The following FOXP1 variants were observed in gnomAD, a reference collection of about 807,000 sequenced individuals.
FOXP1 encodes forkhead box protein P1.
In FOXP1, 15 loss-of-function variants were observed where a neutral mutation model predicts 98.2. The observed-to-expected ratio is 0.15, with a 90% CI of 0.10 to 0.24. The LOEUF is 0.24. Ranked by LOEUF, FOXP1 falls within the 10% of genes least tolerant of loss-of-function variation. FOXP1 has a pLI of 1.00. For missense variants in FOXP1, 633 were observed against 848.5 expected, an observed-to-expected ratio of 0.75 and a Z score of 3.15; for synonymous variants, 371 against 314.5, an observed-to-expected ratio of 1.18 and a Z score of -1.90.
At chr3:71,225,388 C>T (rs2065752228) in intron 5 of FOXP1, among the ~76,000 whole-genome samples, 1 of 152,176 alleles carries the variant, frequency 6.6e-6, no homozygotes, top group Non-Finnish European at 1.5e-5. Flanking sequence ...AGAATTAATA[C>T]TTTCTTCCCA....
rs544683444 is a variant in FOXP1 at position 71,232,809 on chromosome 3, G to T, written c.-11-34417C>A. 5.1e-5 allele frequency among the ~76,000 whole-genome samples: 7 copies of T among 138,210 alleles called. No homozygotes were observed. In the South Asian group the frequency reaches 9.6e-4, roughly 19 times the overall value. 90.7% of individuals were successfully genotyped at this position (138,210 alleles called of 152,430 possible). ...CCAGCTACTTGGGATGAAGAGGGAA[G>T]ATCTCTTGAGCCCTGGCAATGGAAG... On this transcript the variant is annotated intron_variant, in intron 5 of 20. Coordinates refer to ENST00000649528, the MANE Select transcript of FOXP1 (RefSeq NM_001349338.3).
chr3:71,394,671 C>G (rs1222765088), intron 3 of FOXP1, among the ~76,000 whole-genome samples: 2 of 152,004 alleles, frequency 1.3e-5, no homozygotes, highest in African/African-American at 4.8e-5. Context: ...TTATACCGAC[C>G]CTTGTGTCAA....
At chr3:71,557,241 G>A (rs1278077778) in intron 2 of FOXP1, among the ~76,000 whole-genome samples, 2 of 151,992 alleles carry the variant, frequency 1.3e-5, no homozygotes, top group Non-Finnish European at 2.9e-5. Flanking sequence ...ACACGGATGA[G>A]AGAAGAAAAA....
chr3:70,960,286 C>A (rs575553535), intron 20 of FOXP1, among the ~76,000 whole-genome samples: 1 of 152,240 alleles, frequency 6.6e-6, no homozygotes, highest in South Asian at 2.1e-4. Flanking sequence ...GAAAGCAGAG[C>A]CCCAATCAGA....
rs1318881154 is a variant in FOXP1, at chr3:71,581,919, G to A, written c.-446-222C>T. ...GAAATCGGCCCGAGCCAAAGTCTCA[G>A]CACCTTCCCCAGGATCTCACAAAGT... On this transcript the variant is annotated intron_variant, in intron 1 of 20. Coordinates refer to ENST00000649528, the MANE Select transcript of FOXP1 (RefSeq NM_001349338.3). 3 of 982,948 alleles carry A rather than the reference G, an allele frequency of 3.1e-6. No homozygotes were observed. In the East Asian group the frequency reaches 3.5e-4, roughly 115 times the overall value. 60.9% of individuals were successfully genotyped at this position (982,948 alleles called of 1,614,324 possible).
chr3:71,507,695 A>G (rs1425206351), intron 2 of FOXP1, among the ~76,000 whole-genome samples: 4 of 151,786 alleles, frequency 2.6e-5, no homozygotes, highest in African/African-American at 9.7e-5. Flanking sequence ...CTCCTGCCTC[A>G]GCCTCCAGAG....
intron 7 of FOXP1, among the ~76,000 whole-genome samples, chr3:71,089,609 A>G (rs1234503376): frequency 1.3e-5 from 2 of 152,134 alleles, no homozygotes; most frequent in Admixed American, 1.3e-4. Context: ...TCCTGCAGGA[A>G]CACTCTTCCC....
At chr3:71,305,086 A>G (rs2074163776) in intron 4 of FOXP1, among the ~76,000 whole-genome samples, 1 of 152,174 alleles carries the variant, frequency 6.6e-6, no homozygotes, top group Non-Finnish European at 1.5e-5. Context: ...GAATGATCTA[A>G]GTGTACACTA....
intron 6 of FOXP1, among the ~76,000 whole-genome samples, chr3:71,161,643 A>T (rs2061142129): frequency 6.6e-6 from 1 of 152,216 alleles, no homozygotes; most frequent in Admixed American, 6.5e-5. Flanking sequence ...AATCCACCTG[A>T]TTCCCTGCAT....
intron 2 of FOXP1, among the ~76,000 whole-genome samples, chr3:71,557,962 A>C (rs1477124745): frequency 6.6e-6 from 1 of 152,122 alleles, no homozygotes; most frequent in Non-Finnish European, 1.5e-5. Flanking sequence ...AATTATAGGC[A>C]TGAGCCACCA....
chr3:71,087,074 A>G lies in FOXP1; in HGVS notation c.282+25462T>C, dbSNP rs2055191329. 5.3e-5 allele frequency among the ~76,000 whole-genome samples: 8 copies of G among 152,238 alleles called. No individual in the cohort carries two copies. The South Asian group carries it at 1.7e-3, about 32-fold the overall frequency. ...AATGCAACTTACTATTCAACATGAA[A>G]CAAAGTGAGATAAAGAGAGGGCTAG... On this transcript the variant is annotated intron_variant, in intron 7 of 20. Transcript: ENST00000649528.
At chr3:71,183,724 T>C (rs2062472365) in intron 6 of FOXP1, among the ~76,000 whole-genome samples, 1 of 152,224 alleles carries the variant, frequency 6.6e-6, no homozygotes, top group South Asian at 2.1e-4. Flanking sequence ...CCACAGTCTA[T>C]GCTGTTAAAC....
At chr3:71,581,063 T>C (rs1020089455) in intron 2 of FOXP1, 35 of 962,514 alleles carry the variant, frequency 3.6e-5, no homozygotes, top group Admixed American at 1.2e-4. Context: ...TGAGGGCTTG[T>C]GGGGTGGGGA....
intron 5 of FOXP1, among the ~76,000 whole-genome samples, chr3:71,275,838 G>A (rs566721853): frequency 2.4e-4 from 36 of 152,074 alleles, no homozygotes; most frequent in African/African-American, 4.8e-4. Context: ...TCCCTTCTTC[G>A]TTTTTTTGTT....
intron 11 of FOXP1, among the ~76,000 whole-genome samples, chr3:71,017,676 T>G (rs966612992): frequency 6.6e-6 from 1 of 152,174 alleles, no homozygotes; most frequent in African/African-American, 2.4e-5. Flanking sequence ...TCAACTTAAC[T>G]CTAGTTATAT....
intron 2 of FOXP1, among the ~76,000 whole-genome samples, chr3:71,498,712 A>C (rs940807792): frequency 6.6e-6 from 1 of 152,206 alleles, no homozygotes; most frequent in Admixed American, 6.5e-5. Flanking sequence ...TCATATGCTG[A>C]GCCTCCAGCA....
chr3:71,119,458 T>A (rs1444128503), intron 6 of FOXP1, among the ~76,000 whole-genome samples: 1 of 152,086 alleles, frequency 6.6e-6, no homozygotes, highest in Non-Finnish European at 1.5e-5. Context: ...GATAATTTCA[T>A]GGACTAATCA....
chr3:71,542,841 T>G (rs2044981326), intron 2 of FOXP1, among the ~76,000 whole-genome samples: 1 of 152,200 alleles, frequency 6.6e-6, no homozygotes, highest in Non-Finnish European at 1.5e-5. Context: ...GGCAGACACT[T>G]CCTGCATCCA....
At chr3:71,183,603 A>AT (rs2108295941) in intron 6 of FOXP1, among the ~76,000 whole-genome samples, 1 of 152,342 alleles carries the variant, frequency 6.6e-6, no homozygotes, top group East Asian at 1.9e-4. Context: ...AGACTATTAA[A>AT]TGCTAAAATT....
Sources: allele counts gnomAD v4.1 joint callset (sites outside exome capture counted in the v4.1 genomes callset), GRCh38; gene constraint gnomAD v4.1.1; transcripts MANE v1.5; gene names NCBI Gene and HGNC (gene_info 2026-07-23, HGNC 2026-07-21).